SLIT2: variants seen among roughly 807,000 people sequenced by gnomAD.
SLIT2 encodes slit guidance ligand 2, also known as slit homolog 2 protein.
In SLIT2, 41 loss-of-function variants were observed where a neutral mutation model predicts 185.7. The observed-to-expected ratio is 0.22, with a 90% CI of 0.17 to 0.29. The LOEUF (loss-of-function observed/expected upper bound fraction) is 0.29. SLIT2 is among the 10% of genes least tolerant of loss of function. The pLI is 1.00. For missense variants in SLIT2, 1,571 were observed against 1,909.0 expected, an observed-to-expected ratio of 0.82 and a Z score of 3.30; for synonymous variants, 693 against 680.2, an observed-to-expected ratio of 1.02 and a Z score of -0.29.
At chr4:20,286,285 C>A (rs540044107) in intron 4 of SLIT2, among the ~76,000 whole-genome samples, 1 of 152,182 alleles carries the variant, frequency 6.6e-6, no homozygotes, top group African/African-American at 2.4e-5. Flanking sequence ...CCTCTCTCCC[C>A]CACCCTCATC....
chr4:20,601,932 C>G (rs1728441057), intron 33 of SLIT2, among the ~76,000 whole-genome samples: 1 of 152,078 alleles, frequency 6.6e-6, no homozygotes, highest in African/African-American at 2.4e-5. Flanking sequence ...GGGCCTTGCA[C>G]TTGGAAATAA....
At chr4:20,549,783 T>C (rs2148889784) in intron 24 of SLIT2, among the ~76,000 whole-genome samples, 1 of 151,946 alleles carries the variant, frequency 6.6e-6, no homozygotes, top group South Asian at 2.1e-4. Flanking sequence ...TATATATTTA[T>C]ACATATATAT....
At chr4:20,289,314 T>G (rs895405130) in intron 4 of SLIT2, among the ~76,000 whole-genome samples, 2 of 152,286 alleles carry the variant, frequency 1.3e-5, no homozygotes, top group African/African-American at 4.8e-5. Flanking sequence ...ATTTCCAGTT[T>G]TGAGATGACT....
intron 33 of SLIT2, among the ~76,000 whole-genome samples, chr4:20,598,878 T>C (rs2148962657): frequency 6.6e-6 from 1 of 152,258 alleles, no homozygotes; most frequent in African/African-American, 2.4e-5. Flanking sequence ...CGGGCCACAC[T>C]GCATGCCGGG....
rs150527410 is a variant in SLIT2 at position 20,281,025 on chromosome 4, G to T, written c.395+12144G>T. On this transcript the variant is annotated intron_variant, in intron 4 of 36. Coordinates refer to ENST00000504154, the MANE Select transcript of SLIT2 (RefSeq NM_004787.4). Reference sequence around the variant, plus strand: ...TTTTTGTGTTTTTAGTAGAGATGGGGTTTCTCCATGTTGGTCAGGCTGGCG... The same window carrying T: ...TTTTTGTGTTTTTAGTAGAGATGGGTTTTCTCCATGTTGGTCAGGCTGGCG... 5.0e-3 allele frequency among the ~76,000 whole-genome samples: 759 copies of T among 152,092 alleles called. 7 individuals carry two copies. The highest frequency in any genetic ancestry group is 0.018 in the African/African-American group (736 of 41,492).
intron 5 of SLIT2, among the ~76,000 whole-genome samples, chr4:20,469,248 G>A (rs951422483): frequency 3.3e-5 from 5 of 152,002 alleles, no homozygotes; most frequent in African/African-American, 1.2e-4. Flanking sequence ...GTAAAAATAC[G>A]GCAATAGCTG....
At chr4:20,567,707 G>A in intron 28 of SLIT2, 92 bp downstream of exon 28, 2 of 977,422 alleles carry the variant, frequency 2.0e-6, no homozygotes, top group Middle Eastern at 2.4e-4. Context: ...TCAAAGGACA[G>A]TATTTTTCAA....
At chr4:20,515,056 T>G (rs979322784) in intron 11 of SLIT2, among the ~76,000 whole-genome samples, 21 of 152,254 alleles carry the variant, frequency 1.4e-4, no homozygotes, top group African/African-American at 4.8e-4. Flanking sequence ...TAACAAAACG[T>G]TTTAAGTGTA....
rs557344765 is a variant in SLIT2, at chr4:20,336,311, G to A, written c.395+67430G>A. Among the ~76,000 whole-genome samples the A allele has an allele frequency of 4.6e-5, 7 of 152,274 alleles. No individual in the cohort carries two copies. The East Asian group carries it at 1.4e-3, about 29-fold the overall frequency. ...GTCCATCAGTGATAGACTGGATTAA[G>A]AAAATGTGGCACATATACACCATGG... On this transcript the variant is annotated intron_variant, in intron 4 of 36. Coordinates refer to ENST00000504154, the MANE Select transcript of SLIT2 (RefSeq NM_004787.4).
chr4:20,293,536 C>T (rs1469590423), intron 4 of SLIT2, among the ~76,000 whole-genome samples: 2 of 152,154 alleles, frequency 1.3e-5, no homozygotes, highest in African/African-American at 4.8e-5. Flanking sequence ...TAGTGATTAT[C>T]AAGTGAAGTT....
chr4:20,351,059 T>G (rs1288366465), intron 4 of SLIT2, among the ~76,000 whole-genome samples: 3 of 151,744 alleles, frequency 2.0e-5, no homozygotes, highest in African/African-American at 4.8e-5. Context: ...TTTCTTTTTT[T>G]TTTTTTGAGA....
intron 4 of SLIT2, among the ~76,000 whole-genome samples, chr4:20,272,230 A>C (rs920806679): frequency 2.4e-4 from 37 of 151,776 alleles, no homozygotes; most frequent in Admixed American, 2.4e-3. Context: ...TGGAAAGTGC[A>C]AGTCCAGGGA....
Position 20,508,424 on chromosome 4 carries a change from G to C in SLIT2, c.915-2071G>C, listed in dbSNP as rs147098280. Among the ~76,000 whole-genome samples, 1,246 of 151,964 alleles carry C rather than the reference G, an allele frequency of 8.2e-3. 8 individuals carry two copies. Among genetic ancestry groups the C allele is most frequent in the Middle Eastern group, 0.045 (13 of 292 alleles). On this transcript the variant is annotated intron_variant, in intron 9 of 36. Coordinates refer to ENST00000504154, the MANE Select transcript of SLIT2 (RefSeq NM_004787.4). ...TATATACATGTCCAATAATAAGAAA[G>C]AATTAAGGAAATAGGGTATTTTTCA...
At chr4:20,338,083 A>G (rs1234308505) in intron 4 of SLIT2, among the ~76,000 whole-genome samples, 1 of 152,178 alleles carries the variant, frequency 6.6e-6, no homozygotes, top group Non-Finnish European at 1.5e-5. Context: ...TTTCAAGGAT[A>G]TCACTCACAA....
chr4:20,571,436 C>T (rs140362699), intron 29 of SLIT2, among the ~76,000 whole-genome samples: 1 of 152,226 alleles, frequency 6.6e-6, no homozygotes, highest in African/African-American at 2.4e-5. Context: ...TATAACTCAT[C>T]TATTAATTGT....
At chr4:20,463,719 A>C (rs1325303343) in intron 4 of SLIT2, among the ~76,000 whole-genome samples, 16 of 149,906 alleles carry the variant, frequency 1.1e-4, no homozygotes, top group African/African-American at 3.4e-4. Context: ...CTAAAAATAC[A>C]AAAAAAATTA....
chr4:20,271,740 A>C (rs1713638524), intron 4 of SLIT2, among the ~76,000 whole-genome samples: 1 of 151,934 alleles, frequency 6.6e-6, no homozygotes, highest in Non-Finnish European at 1.5e-5. Context: ...TTATACACTG[A>C]AGTTTGATTT....
chr4:20,286,010 G>A (rs568547248), intron 4 of SLIT2, among the ~76,000 whole-genome samples: 23 of 152,298 alleles, frequency 1.5e-4, no homozygotes, highest in African/African-American at 4.3e-4. Context: ...TGCTTCATTC[G>A]TTTTTCAATA....
At chr4:20,569,695 C>G (rs1471015728) in intron 29 of SLIT2, among the ~76,000 whole-genome samples, 3 of 151,820 alleles carry the variant, frequency 2.0e-5, no homozygotes, top group African/African-American at 2.4e-5. Context: ...TAGATATGCT[C>G]TTTTTCCTTT....
Sources: gnomAD v4.1 joint callset for allele counts (sites outside exome capture counted in the v4.1 genomes callset) on GRCh38, gnomAD v4.1.1 for gene constraint, MANE v1.5 for transcripts, NCBI Gene and HGNC (gene_info 2026-07-23, HGNC 2026-07-21) for gene names.